Variants in CIROZ observed in about 807,000 individuals in gnomAD.
CIROZ encodes the protein ciliated left-right organizer ZP-N domains-containing protein.
chr1:10,949,661 C>T, the CIROZ span: 15 of 1,607,288 alleles, frequency 9.3e-6, no homozygotes, highest in Admixed American at 8.4e-5. Context: ...CAGGAGGTCC[C>T]GAGAAAGCCA....
chr1:10,966,296 C>T, the CIROZ span: 1 of 1,454,082 alleles, frequency 6.9e-7, no homozygotes, highest in Non-Finnish European at 9.0e-7. Context: ...GATATCTGAG[C>T]TCAGGCTTAG....
the CIROZ span, among the ~76,000 whole-genome samples, chr1:10,979,237 G>A: frequency 6.6e-6 from 1 of 151,960 alleles, no homozygotes; most frequent in Non-Finnish European, 1.5e-5. Context: ...CAAGTTATTC[G>A]CCCACCTCAG....
chr1:10,958,738 C>G, the CIROZ span: 1 of 1,614,056 alleles, frequency 6.2e-7, no homozygotes, highest in Non-Finnish European at 8.5e-7. Context: ...TCCACAGGGG[C>G]AGGGGCCGGG....
the CIROZ span, chr1:10,947,941 G>T: frequency 1.2e-6 from 2 of 1,613,726 alleles, no homozygotes; most frequent in Non-Finnish European, 1.7e-6. Context: ...TCCAGGTATC[G>T]GGCCTGGTCT....
At chr1:10,972,953 TA>T in the CIROZ span, among the ~76,000 whole-genome samples, 8,348 of 144,288 alleles carry the variant, frequency 0.058, 743 homozygotes, top group African/African-American at 0.19. Flanking sequence ...AAATTTAAAA[TA>T]AAAAAAAAAA....
chr1:10,953,352 A>G, the CIROZ span, among the ~76,000 whole-genome samples: 2 of 152,362 alleles, frequency 1.3e-5, no homozygotes, highest in South Asian at 2.1e-4. Context: ...CTGTATTTCA[A>G]TGGATTTTGC....
At chr1:10,967,796 A>G in the CIROZ span, among the ~76,000 whole-genome samples, 1 of 152,158 alleles carries the variant, frequency 6.6e-6, no homozygotes, top group African/African-American at 2.4e-5. Context: ...ACATGGTGAA[A>G]TCCTGTCTCT....
At chr1:10,963,678 A>T in the CIROZ span, among the ~76,000 whole-genome samples, 2 of 152,188 alleles carry the variant, frequency 1.3e-5, no homozygotes, top group Admixed American at 1.3e-4. Context: ...TGATGTTTAA[A>T]ATGTAGACAT....
chr1:10,971,011 G>A, the CIROZ span, among the ~76,000 whole-genome samples: 5 of 109,640 alleles, frequency 4.6e-5, no homozygotes, highest in Admixed American at 3.9e-4. Flanking sequence ...AATTAGCGGA[G>A]CATCGTGGTG....
the CIROZ span, among the ~76,000 whole-genome samples, chr1:10,969,285 C>T: frequency 6.6e-6 from 1 of 151,980 alleles, no homozygotes; most frequent in East Asian, 1.9e-4. Flanking sequence ...GCTATTTGCT[C>T]CTCTCTCTAC....
chr1:10,965,825 A>G, the CIROZ span, among the ~76,000 whole-genome samples: 1 of 151,782 alleles, frequency 6.6e-6, no homozygotes, highest in Non-Finnish European at 1.5e-5. Flanking sequence ...TCCGTCAAAA[A>G]AAAAAAAAAA....
the CIROZ span, among the ~76,000 whole-genome samples, chr1:10,979,631 G>A: frequency 6.6e-6 from 1 of 152,140 alleles, no homozygotes; most frequent in Non-Finnish European, 1.5e-5. Flanking sequence ...ACACGTGCAA[G>A]ACTGTTGACA....
At chr1:10,970,445 C>T in the CIROZ span, among the ~76,000 whole-genome samples, 10 of 151,816 alleles carry the variant, frequency 6.6e-5, no homozygotes, top group Middle Eastern at 3.4e-3. Context: ...CTGGCCAACA[C>T]GGTGAAACTC....
the CIROZ span, among the ~76,000 whole-genome samples, chr1:10,956,392 C>T: frequency 5.9e-3 from 904 of 152,206 alleles, 4 homozygotes; most frequent in African/African-American, 0.021. Context: ...TCTCCCGTCT[C>T]TGTTCTCAGA....
chr1:10,965,641 C>G, the CIROZ span, among the ~76,000 whole-genome samples: 1 of 152,018 alleles, frequency 6.6e-6, no homozygotes, highest in Non-Finnish European at 1.5e-5. Flanking sequence ...GGGTGGATCA[C>G]TTGAGGTCAG....
the CIROZ span, chr1:10,948,349 G>A: frequency 3.6e-5 from 58 of 1,613,516 alleles, no homozygotes; most frequent in African/African-American, 3.6e-4. Flanking sequence ...AGTGTGGCCC[G>A]CCAGGGCCTC....
chr1:10,968,177 T>C, the CIROZ span, among the ~76,000 whole-genome samples: 2 of 151,972 alleles, frequency 1.3e-5, no homozygotes, highest in African/African-American at 4.8e-5. Flanking sequence ...AATAAATAAG[T>C]AGTTGTTGAA....
chr1:10,958,366 TGGAACAAGCTCCTTACAAA>T, the CIROZ span, among the ~76,000 whole-genome samples: 4 of 152,166 alleles, frequency 2.6e-5, no homozygotes, highest in Admixed American at 2.6e-4. Context: ...CTGTGCAACA[TGGAACAAGCTCCTTACAAA>T]GGAACAAGCT....
chr1:10,975,428 A>C, the CIROZ span, among the ~76,000 whole-genome samples: 1 of 150,616 alleles, frequency 6.6e-6, no homozygotes, highest in African/African-American at 2.4e-5. Context: ...AAAAAAAAAA[A>C]AAACACAAAA....
Sources: gnomAD v4.1 joint callset for allele counts (sites outside exome capture counted in the v4.1 genomes callset) on GRCh38, gnomAD v4.1.1 for gene constraint, MANE v1.5 for transcripts, NCBI Gene and HGNC (gene_info 2026-07-23, HGNC 2026-07-21) for gene names.